The following ARAP2 variants were observed in gnomAD, a reference collection of about 807,000 sequenced individuals.
ARAP2 encodes the protein ArfGAP with RhoGAP domain, ankyrin repeat and PH domain 2, also known as arf-GAP with Rho-GAP domain, ANK repeat and PH domain-containing protein 2.
In ARAP2, 148 loss-of-function variants were observed where a neutral mutation model predicts 194.5. The ratio of observed to expected loss-of-function variants is 0.76; its 90% CI spans 0.67 to 0.87. ARAP2 has a LOEUF of 0.87. Among genes scored for constraint, ARAP2 ranks in the 40% least tolerant of loss-of-function variants. The pLI, the probability that ARAP2 is intolerant of heterozygous loss-of-function variation, is 0.00. For missense variants in ARAP2, 2,128 were observed against 1,989.7 expected (o/e 1.07, Z -1.32); for synonymous variants, 695 against 683.5 (o/e 1.02, Z -0.26).
intron 31 of ARAP2, among the ~76,000 whole-genome samples, chr4:36,079,173 CAAAAAAAAAAAA>C: frequency 1.3e-5 from 1 of 77,612 alleles, no homozygotes; most frequent in East Asian, 4.0e-4. Context: ...GACTCTGTCT[CAAAAAAAAAAAA>C]AAAAAAAAAA....
intron 5 of ARAP2, among the ~76,000 whole-genome samples, chr4:36,038,773 A>G (rs115175518): frequency 8.4e-4 from 128 of 152,344 alleles, no homozygotes; most frequent in African/African-American, 2.9e-3. Flanking sequence ...CACATGGATA[A>G]TGTTGGCTCT....
intron 16 of ARAP2, among the ~76,000 whole-genome samples, 177 bp from the exon 17 acceptor site, chr4:36,148,684 A>T (rs746015577): frequency 6.6e-6 from 1 of 152,228 alleles, no homozygotes; most frequent in Non-Finnish European, 1.5e-5. Flanking sequence ...AATGGAACAC[A>T]CTGGATTGGA....
intron 12 of ARAP2, 123 bp downstream of exon 12, chr4:36,161,341 TG>T: frequency 3.0e-6 from 2 of 669,478 alleles, no homozygotes; most frequent in Non-Finnish European, 2.6e-6. Context: ...TTCCATAATG[TG>T]GTGAGAACTT....
At chr4:36,156,655 TC>T (rs1002628509) in intron 15 of ARAP2, among the ~76,000 whole-genome samples, 3 of 152,082 alleles carry the variant, frequency 2.0e-5, no homozygotes, top group Non-Finnish European at 4.4e-5. Flanking sequence ...TGGGAGGACT[TC>T]AGTGGAAATG....
chr4:36,215,366 G>A (rs989495889), intron 2 of ARAP2, among the ~76,000 whole-genome samples: 1 of 152,144 alleles, frequency 6.6e-6, no homozygotes, highest in African/African-American at 2.4e-5. Context: ...AACAAATGTT[G>A]CTGGAACTGG....
chr4:36,009,522 G>C (rs971988174), intron 9 of ARAP2, among the ~76,000 whole-genome samples: 1 of 152,032 alleles, frequency 6.6e-6, no homozygotes, highest in African/African-American at 2.4e-5. Context: ...CAAGAGGGGG[G>C]ATAAAGGGAG....
chr4:36,032,294 G>A (rs1352751804), intron 5 of ARAP2, among the ~76,000 whole-genome samples: 11 of 152,202 alleles, frequency 7.2e-5, no homozygotes, highest in African/African-American at 2.7e-4. Context: ...TCTCGCTAAA[G>A]ACAGGCCAAG....
intron 6 of ARAP2, 29 bp from the exon 7 acceptor site, chr4:36,193,676 C>T (rs1287004437): frequency 2.0e-6 from 3 of 1,515,396 alleles, no homozygotes; most frequent in Non-Finnish European, 2.7e-6. Context: ...TGTTATTTTA[C>T]ATTCAAGTAA....
intron 2 of ARAP2, among the ~76,000 whole-genome samples, chr4:36,223,676 C>G (rs1749641832): frequency 6.6e-6 from 1 of 151,876 alleles, no homozygotes; most frequent in Non-Finnish European, 1.5e-5. Flanking sequence ...GGGCCCTGTT[C>G]CAATAGAACT....
chr4:36,227,962 A>C (rs1010052774), intron 2 of ARAP2, among the ~76,000 whole-genome samples: 1 of 152,084 alleles, frequency 6.6e-6, no homozygotes, highest in African/African-American at 2.4e-5. Context: ...AAGAACCTAC[A>C]CTGGTAGAGC....
intron 5 of ARAP2, among the ~76,000 whole-genome samples, chr4:36,020,730 C>T (rs2109338091): frequency 6.6e-6 from 1 of 152,318 alleles, no homozygotes; most frequent in South Asian, 2.1e-4. Context: ...GCTGGTTAGA[C>T]TGCAGAGTGG....
At chr4:36,048,995 T>C (rs1020591232) in intron 3 of ARAP2, among the ~76,000 whole-genome samples, 2 of 152,118 alleles carry the variant, frequency 1.3e-5, no homozygotes, top group Non-Finnish European at 2.9e-5. Context: ...ACCGGTACCA[T>C]ACTGTGTTTA....
chr4:36,131,665 C>T (rs995487374), intron 20 of ARAP2, among the ~76,000 whole-genome samples: 1 of 151,682 alleles, frequency 6.6e-6, no homozygotes, highest in Admixed American at 6.6e-5. Context: ...AAATTGGCTA[C>T]ATCAGAGCTA....
intron 5 of ARAP2, among the ~76,000 whole-genome samples, chr4:36,027,916 A>G (rs942358749): frequency 2.9e-4 from 44 of 152,182 alleles, no homozygotes; most frequent in African/African-American, 1.0e-3. Context: ...CACTGGATGC[A>G]TACCTATGCA....
chr4:36,098,132 G>A (rs1429015216), intron 27 of ARAP2, among the ~76,000 whole-genome samples: 1 of 152,098 alleles, frequency 6.6e-6, no homozygotes, highest in African/African-American at 2.4e-5. Flanking sequence ...CAAACCACCA[G>A]CCCCAAATTC....
chr4:36,232,299 A>G (rs1370317798), intron 1 of ARAP2, among the ~76,000 whole-genome samples: 2 of 152,224 alleles, frequency 1.3e-5, no homozygotes, highest in Non-Finnish European at 2.9e-5. Flanking sequence ...CAAATCTCTC[A>G]GCCCAGTCTC....
At chr4:36,154,666 C>G (rs997476403) in intron 15 of ARAP2, among the ~76,000 whole-genome samples, 3 of 152,036 alleles carry the variant, frequency 2.0e-5, no homozygotes, top group African/African-American at 7.2e-5. Flanking sequence ...TAACCAGAGG[C>G]CAGAAAAACT....
intron 28 of ARAP2, among the ~76,000 whole-genome samples, chr4:36,083,801 G>A (rs1390197390): frequency 1.3e-5 from 2 of 152,132 alleles, no homozygotes; most frequent in South Asian, 4.1e-4. Flanking sequence ...ATTGAAGGAT[G>A]CAAGGTATTG....
intron 31 of ARAP2, among the ~76,000 whole-genome samples, chr4:36,074,413 C>T (rs753946167): frequency 6.6e-6 from 1 of 152,014 alleles, no homozygotes; most frequent in Non-Finnish European, 1.5e-5. Context: ...AAATCATTGA[C>T]TATATATTCT....
Sources: gnomAD v4.1 joint callset for allele counts (sites outside exome capture counted in the v4.1 genomes callset) on GRCh38, gnomAD v4.1.1 for gene constraint, MANE v1.5 for transcripts, NCBI Gene and HGNC (gene_info 2026-07-23, HGNC 2026-07-21) for gene names.